Variants in UBN2 observed in about 807,000 individuals in gnomAD.
The protein encoded by UBN2 is ubinuclein 2.
Under a neutral mutation model 120.2 loss-of-function variants are expected in UBN2, and 35 were observed. The ratio of observed to expected loss-of-function variants is 0.29; its 90% confidence interval spans 0.22 to 0.39. The LOEUF (loss-of-function observed/expected upper bound fraction) is 0.39, where lower values mean the gene tolerates loss of function less well. Ranked by LOEUF, UBN2 falls within the 10% of genes least tolerant of loss-of-function variation. The pLI is 1.00. For missense variants in UBN2, 1,693 were observed against 1,663.2 expected (o/e 1.02, Z -0.31); for synonymous variants, 661 against 648.7 (o/e 1.02, Z -0.29).
chr7:139,241,565 G>C (rs73170929), intron 2 of UBN2, among the ~76,000 whole-genome samples: 1 of 152,190 alleles, frequency 6.6e-6, no homozygotes, highest in Non-Finnish European at 1.5e-5. Flanking sequence ...GGGTAGATTT[G>C]ATAGTAGAAA....
chr7:139,257,512 G>A (rs1049265855), intron 3 of UBN2, among the ~76,000 whole-genome samples: 4 of 152,000 alleles, frequency 2.6e-5, no homozygotes, highest in African/African-American at 9.7e-5. Flanking sequence ...AGGTTCAAGC[G>A]ATTCTCCTGC....
chr7:139,316,006 GGCAGA>G, the UBN2 span, among the ~76,000 whole-genome samples: 2 of 148,910 alleles, frequency 1.3e-5, no homozygotes, highest in African/African-American at 2.5e-5. Flanking sequence ...GAACCTGGGA[GGCAGA>G]GGTTGCAGTG....
chr7:139,323,251 C>T, the UBN2 span, among the ~76,000 whole-genome samples: 11 of 152,204 alleles, frequency 7.2e-5, no homozygotes, highest in African/African-American at 2.6e-4. Flanking sequence ...GTCAGGAGTT[C>T]GAGATCAGCC....
intron 9 of UBN2, among the ~76,000 whole-genome samples, chr7:139,273,091 G>T (rs1797336890): frequency 6.6e-6 from 1 of 152,126 alleles, no homozygotes; most frequent in African/African-American, 2.4e-5. Context: ...GTGAATGTTG[G>T]TGCCTTTACA....
chr7:139,252,202 C>T, intron 3 of UBN2, 145 bp downstream of exon 3: 39 of 573,676 alleles, frequency 6.8e-5, no homozygotes, highest in South Asian at 3.9e-4. Flanking sequence ...ATTTCTTTAC[C>T]CTTTTTTTTT....
Position 139,231,970 on chromosome 7 carries a change from C to T in UBN2, c.468+18C>T, listed in dbSNP as rs894675905. The T allele has an allele frequency of 3.2e-6, 5 of 1,571,042 alleles. No individual in the cohort carries two copies. The highest frequency in any genetic ancestry group is 4.3e-6 in the Non-Finnish European group (5 of 1,165,490). On this transcript the variant is annotated intron_variant, in intron 1 of 17. Transcript: ENST00000473989. ...AACAACGGGTACAGAAGATTCTTCCCTCCTGCCCCAGACCCCGGGAGCCTC... is the reference window on the plus strand; with the variant it reads ...AACAACGGGTACAGAAGATTCTTCCTTCCTGCCCCAGACCCCGGGAGCCTC...
chr7:139,297,653 A>G, intron 17 of UBN2, 134 bp from the exon 18 acceptor site: 1 of 742,656 alleles, frequency 1.3e-6, no homozygotes, highest in African/African-American at 1.8e-5. Flanking sequence ...ATGGCATGCA[A>G]GATATTAAAA....
rs924275222 is a variant in UBN2 at position 139,299,055 on chromosome 7, T to C, written c.*1219T>C. 6.6e-6 allele frequency: 1 copy of C among 152,202 alleles called. No homozygotes were observed. Among genetic ancestry groups the C allele is most frequent in the Non-Finnish European group, 1.5e-5 (1 of 68,018 alleles). 9.4% of individuals were successfully genotyped at this position (152,202 alleles called of 1,614,324 possible). On this transcript the variant is annotated 3_prime_UTR_variant, in exon 18 of 18. Coordinates refer to ENST00000473989, the MANE Select transcript of UBN2 (RefSeq NM_173569.4). ...AAAGCTTCACTATTTACTCAGTGTATTGGTATGTGAGTAAATCTGCAGAAA... is the reference window on the plus strand; with the variant it reads ...AAAGCTTCACTATTTACTCAGTGTACTGGTATGTGAGTAAATCTGCAGAAA...
At chr7:139,319,647 G>A in the UBN2 span, among the ~76,000 whole-genome samples, 3 of 152,124 alleles carry the variant, frequency 2.0e-5, no homozygotes, top group Admixed American at 6.5e-5. Flanking sequence ...ATTAGCATAG[G>A]CCCTCAGGGC....
At chr7:139,327,951 T>C in the UBN2 span, among the ~76,000 whole-genome samples, 1 of 152,204 alleles carries the variant, frequency 6.6e-6, no homozygotes, top group Non-Finnish European at 1.5e-5. Flanking sequence ...ATTTGCCCTT[T>C]AAAACCATAT....
At position 139,299,690 on chromosome 7, in the gene UBN2, G is replaced by A. The variant is rs1177982268; in HGVS notation, c.*1854G>A. The A allele has an allele frequency of 6.6e-6, 1 of 152,146 alleles. No homozygotes were observed. The highest frequency in any genetic ancestry group is 1.9e-4 in the East Asian group (1 of 5,196). 9.4% of individuals were successfully genotyped at this position (152,146 alleles called of 1,614,324 possible). A position where few individuals can be genotyped will look rare whatever the true frequency, so the allele number is the denominator to read the frequency against. ...ATGAACCCCAGTAGATATTTTGGAA[G>A]GATACTGGGAGGATGTTGCAGAGAG... On this transcript the variant is annotated 3_prime_UTR_variant, in exon 18 of 18. Transcript: ENST00000473989.
At chr7:139,289,938 G>A (rs1376659198) in intron 15 of UBN2, among the ~76,000 whole-genome samples, 1 of 151,554 alleles carries the variant, frequency 6.6e-6, no homozygotes, top group Non-Finnish European at 1.5e-5. Context: ...CTGTTGCCCA[G>A]GCTAGAGTGC....
chr7:139,264,570 CTATT>C (rs1210774442), intron 6 of UBN2, among the ~76,000 whole-genome samples: 1 of 152,020 alleles, frequency 6.6e-6, no homozygotes, highest in Non-Finnish European at 1.5e-5. Context: ...TTGACCTACA[CTATT>C]TTTGTTTGTT....
downstream of UBN2, among the ~76,000 whole-genome samples, chr7:139,309,263 T>C (rs530712556): frequency 3.3e-5 from 5 of 152,328 alleles, no homozygotes; most frequent in South Asian, 1.0e-3. Context: ...TATGAGTGCT[T>C]TTTATTTTTT....
At chr7:139,259,246 C>T (rs1419679828) in intron 4 of UBN2, 21 bp from the exon 5 acceptor site, 1 of 1,608,566 alleles carries the variant, frequency 6.2e-7, no homozygotes, top group African/African-American at 1.3e-5. Context: ...CATAAATGAT[C>T]ATTCTTTTAT....
At chr7:139,294,654 A>G (rs1428008962) in intron 17 of UBN2, among the ~76,000 whole-genome samples, 1 of 152,216 alleles carries the variant, frequency 6.6e-6, no homozygotes, top group Admixed American at 6.5e-5. Context: ...CAGCCTGGCC[A>G]ATATGGTGAA....
At chr7:139,325,265 T>C in the UBN2 span, among the ~76,000 whole-genome samples, 315 of 76,350 alleles carry the variant, frequency 4.1e-3, 3 homozygotes, top group African/African-American at 0.018. Context: ...TCACTGCTTT[T>C]TTTTTTTTTT....
intron 4 of UBN2, among the ~76,000 whole-genome samples, chr7:139,258,985 A>G (rs1202921122): frequency 6.6e-6 from 1 of 152,198 alleles, no homozygotes; most frequent in African/African-American, 2.4e-5. Flanking sequence ...GGAAAGATAT[A>G]GTGTCCTTGG....
intron 1 of UBN2, among the ~76,000 whole-genome samples, chr7:139,235,324 A>T (rs1400561241): frequency 6.6e-6 from 1 of 152,096 alleles, no homozygotes; most frequent in Non-Finnish European, 1.5e-5. Flanking sequence ...ATTCCTTATT[A>T]GTTTATTCTC....
Sources: gnomAD v4.1 joint callset for allele counts (sites outside exome capture counted in the v4.1 genomes callset) on GRCh38, gnomAD v4.1.1 for gene constraint, MANE v1.5 for transcripts, NCBI Gene and HGNC (gene_info 2026-07-23, HGNC 2026-07-21) for gene names.